Variants in MPP7 observed in about 807,000 individuals in gnomAD.
The protein encoded by MPP7 is MAGUK p55 subfamily member 7.
A neutral mutation model predicts 76.5 loss-of-function variants in MPP7; 60 were observed. That is an observed-to-expected ratio of 0.78 (90% confidence interval 0.64 to 0.97). The LOEUF (loss-of-function observed/expected upper bound fraction) is 0.97. Ranked by LOEUF, MPP7 falls within the 50% of genes least tolerant of loss-of-function variation. The pLI, the probability that MPP7 is intolerant of heterozygous loss-of-function variation, is 0.00. For synonymous variants in MPP7, 237 were observed against 244.5 expected (o/e 0.97, Z 0.29); for missense variants, 641 against 694.0 (o/e 0.92, Z 0.86).
In MPP7 at chr10:28,051,078, T is replaced by C. The variant is rs758611667; in HGVS notation, c.*2987A>G. On this transcript the variant is annotated 3_prime_UTR_variant, in exon 17 of 17. Transcript: ENST00000683449. ...ATATCACAGTAGAAAATATAATTTG[T>C]TCTACCATGGGAAATAGTATAATGG... The C allele has an allele frequency of 3.9e-5, 6 of 152,200 alleles. No homozygotes were observed. The highest frequency in any genetic ancestry group is 7.3e-5 in the Non-Finnish European group (5 of 68,032). 9.4% of individuals were successfully genotyped at this position (152,200 alleles called of 1,614,324 possible).
At chr10:28,215,214 C>T (rs541862309) in intron 2 of MPP7, among the ~76,000 whole-genome samples, 1 of 152,228 alleles carries the variant, frequency 6.6e-6, no homozygotes, top group African/African-American at 2.4e-5. Flanking sequence ...AATAAAACTC[C>T]GGTCTCCTGA....
At chr10:28,080,326 G>A (rs1267444301) in intron 12 of MPP7, among the ~76,000 whole-genome samples, 1 of 152,066 alleles carries the variant, frequency 6.6e-6, no homozygotes, top group Non-Finnish European at 1.5e-5. Flanking sequence ...TCATCCCTGA[G>A]TGTTCCGTGG....
chr10:28,255,067 A>T (rs1319354731), intron 1 of MPP7, among the ~76,000 whole-genome samples: 1 of 152,206 alleles, frequency 6.6e-6, no homozygotes, highest in African/African-American at 2.4e-5. Flanking sequence ...TTGTTCTCTA[A>T]ATGTATGCAC....
At chr10:28,275,534 G>A (rs1056948060) in intron 1 of MPP7, among the ~76,000 whole-genome samples, 3 of 151,730 alleles carry the variant, frequency 2.0e-5, no homozygotes, top group African/African-American at 4.8e-5. Context: ...AGCCTCCCGA[G>A]TAGCTGGGAT....
intron 2 of MPP7, among the ~76,000 whole-genome samples, chr10:28,212,971 G>A (rs1838190869): frequency 6.6e-6 from 1 of 152,096 alleles, no homozygotes; most frequent in Admixed American, 6.6e-5. Context: ...ATAGGGTCTT[G>A]CTCTGCCACT....
chr10:28,161,922 ATC>A (rs1836276790), intron 3 of MPP7, among the ~76,000 whole-genome samples: 1 of 152,164 alleles, frequency 6.6e-6, no homozygotes, highest in Admixed American at 6.5e-5. Flanking sequence ...GATAGGTAAA[ATC>A]TGATTACTTT....
chr10:28,160,720 G>A (rs1836231085), intron 3 of MPP7, among the ~76,000 whole-genome samples: 2 of 152,102 alleles, frequency 1.3e-5, no homozygotes, highest in Non-Finnish European at 2.9e-5. Context: ...CTTTGGTATA[G>A]GAATATTAAT....
intron 11 of MPP7, chr10:28,118,248 C>G (rs1834720115): frequency 1.0e-6 from 1 of 985,054 alleles, no homozygotes; most frequent in South Asian, 4.7e-5. Flanking sequence ...TTTGAAAGAG[C>G]TATTAAAAAG....
At chr10:28,278,318 G>C (rs1461079980) in intron 1 of MPP7, among the ~76,000 whole-genome samples, 3 of 151,962 alleles carry the variant, frequency 2.0e-5, no homozygotes, top group African/African-American at 7.3e-5. Context: ...GCATCTTTTT[G>C]GAACACAAAA....
chr10:28,116,202 T>C (rs139432123), intron 11 of MPP7, among the ~76,000 whole-genome samples: 516 of 152,260 alleles, frequency 3.4e-3, no homozygotes, highest in African/African-American at 0.011. Context: ...TTAAATTAAT[T>C]TGATGTCATT....
intron 5 of MPP7, 99 bp from the exon 6 acceptor site, chr10:28,131,790 A>C (rs1014870906): frequency 1.8e-6 from 1 of 544,014 alleles, no homozygotes; most frequent in Non-Finnish European, 2.5e-6. Context: ...TATAAGGAAA[A>C]TCAAAACAGT....
At chr10:28,150,144 C>A (rs1835836413) in intron 3 of MPP7, 85 bp from the exon 4 acceptor site, 3 of 931,426 alleles carry the variant, frequency 3.2e-6, no homozygotes, top group South Asian at 2.9e-5. Flanking sequence ...AAAAGAGAAT[C>A]TGAATCCTTG....
chr10:28,089,431 GC>G (rs144883941), intron 12 of MPP7, among the ~76,000 whole-genome samples: 363 of 152,210 alleles, frequency 2.4e-3, no homozygotes, highest in African/African-American at 8.4e-3. Context: ...AACAGTGTTT[GC>G]TATCCCCACT....
At chr10:28,326,797 A>G (rs1834420168) in intron 2 of MPP7, among the ~76,000 whole-genome samples, 1 of 152,246 alleles carries the variant, frequency 6.6e-6, no homozygotes, top group African/African-American at 2.4e-5. Flanking sequence ...TTGCCAGGGT[A>G]CATGCCAGTC....
intron 3 of MPP7, among the ~76,000 whole-genome samples, chr10:28,170,821 G>C (rs1320156841): frequency 6.6e-6 from 1 of 151,976 alleles, no homozygotes; most frequent in African/African-American, 2.4e-5. Context: ...TTCATTCATA[G>C]CTCATCTCTG....
At position 28,262,216 on chromosome 10, in the gene MPP7, T is replaced by TAC. The variant is rs1564741318; in HGVS notation, c.-131-23482_-131-23481insGT. ...ATATATATATATATATACATATATA[T>TAC]ATATATATACATATATATATATATA... On this transcript the variant is annotated intron_variant, in intron 1 of 16. Coordinates refer to ENST00000683449, the MANE Select transcript of MPP7 (RefSeq NM_001318170.2). Among the ~76,000 whole-genome samples, 52 of 61,300 alleles carry TAC rather than the reference T, an allele frequency of 8.5e-4. 2 individuals carry two copies. In the East Asian group the frequency reaches 0.019, roughly 22 times the overall value. The allele number at this position is 61,300 out of a possible 152,430, so 40.2% of individuals were successfully genotyped here. A position where few individuals can be genotyped will look rare whatever the true frequency, so the allele number is the denominator to read the frequency against.
chr10:28,222,375 T>C (rs369366839), intron 2 of MPP7, among the ~76,000 whole-genome samples: 3 of 152,062 alleles, frequency 2.0e-5, no homozygotes, highest in African/African-American at 7.2e-5. Context: ...TATGTGCCTA[T>C]AGTCCCAGCT....
At chr10:28,126,622 G>A (rs889189688) in intron 6 of MPP7, among the ~76,000 whole-genome samples, 11 of 152,166 alleles carry the variant, frequency 7.2e-5, no homozygotes, top group Middle Eastern at 6.8e-3. Flanking sequence ...ATAACCTTTC[G>A]TTCATAAGTT....
intron 3 of MPP7, among the ~76,000 whole-genome samples, chr10:28,163,008 C>T (rs1381965906): frequency 2.6e-5 from 4 of 152,166 alleles, no homozygotes; most frequent in East Asian, 1.9e-4. Flanking sequence ...CTTCCTATCT[C>T]AAGGTCCTTA....
Sources: allele counts gnomAD v4.1 joint callset (sites outside exome capture counted in the v4.1 genomes callset), GRCh38; gene constraint gnomAD v4.1.1; transcripts MANE v1.5; gene names NCBI Gene and HGNC (gene_info 2026-07-23, HGNC 2026-07-21).